The following WWOX variants were observed in gnomAD, a reference collection of about 807,000 sequenced individuals.
WWOX encodes the protein WW domain containing oxidoreductase.
WWOX carries 69 observed loss-of-function variants against 46.2 expected under a neutral mutation model. The ratio of observed to expected loss-of-function variants is 1.49; its 90% CI spans 1.23 to 1.82. The LOEUF is 1.82. WWOX is among the 40% of genes most tolerant of loss of function. WWOX has a pLI of 0.00. For synonymous variants in WWOX, 359 were observed against 202.6 expected (o/e 1.77, Z -6.56); for missense variants, 919 against 542.6 (o/e 1.69, Z -6.89).
intron 8 of WWOX, among the ~76,000 whole-genome samples, chr16:78,744,534 C>T (rs1054388584): frequency 1.4e-5 from 2 of 146,376 alleles, no homozygotes; most frequent in Non-Finnish European, 3.0e-5. Flanking sequence ...TGGGTTCAAG[C>T]AATTTTCTTG....
intron 8 of WWOX, among the ~76,000 whole-genome samples, chr16:79,006,559 T>C (rs559635545): frequency 1.4e-4 from 21 of 152,284 alleles, no homozygotes; most frequent in African/African-American, 5.1e-4. Flanking sequence ...AGGCACTGTA[T>C]TTGTTTTCAA....
At chr16:78,593,418 A>G (rs979237464) in intron 8 of WWOX, among the ~76,000 whole-genome samples, 4 of 151,870 alleles carry the variant, frequency 2.6e-5, no homozygotes, top group African/African-American at 9.7e-5. Flanking sequence ...GTACTATCCC[A>G]TTTTCCTTTG....
intron 5 of WWOX, among the ~76,000 whole-genome samples, chr16:78,335,018 C>T (rs1207378761): frequency 6.6e-6 from 1 of 151,982 alleles, no homozygotes; most frequent in African/African-American, 2.4e-5. Context: ...GCCCCTGGAC[C>T]TGCAGTGTCA....
intron 5 of WWOX, among the ~76,000 whole-genome samples, chr16:78,310,357 G>T (rs1310507184): frequency 6.6e-6 from 1 of 152,186 alleles, no homozygotes; most frequent in African/African-American, 2.4e-5. Context: ...CGCACACACA[G>T]CCTGCACTAT....
chr16:78,484,935 C>T (rs954530449), intron 8 of WWOX, among the ~76,000 whole-genome samples: 1 of 152,152 alleles, frequency 6.6e-6, no homozygotes, highest in Non-Finnish European at 1.5e-5. Context: ...TGTTTGTGTA[C>T]TACACAGCCT....
intron 7 of WWOX, among the ~76,000 whole-genome samples, chr16:78,426,852 C>T (rs567531771): frequency 1.6e-4 from 25 of 152,166 alleles, no homozygotes; most frequent in African/African-American, 3.6e-4. Context: ...TTAGTAGAGA[C>T]GGGGTTTCAC....
intron 8 of WWOX, among the ~76,000 whole-genome samples, chr16:78,779,187 C>G (rs2050265356): frequency 6.6e-6 from 1 of 152,186 alleles, no homozygotes; most frequent in Admixed American, 6.5e-5. Context: ...CTTTGTTTCC[C>G]AGGCTGGAGT....
chr16:78,145,544 G>A (rs1410151990), intron 4 of WWOX, among the ~76,000 whole-genome samples: 2 of 152,120 alleles, frequency 1.3e-5, no homozygotes, highest in Non-Finnish European at 2.9e-5. Flanking sequence ...TTGGCTCGCT[G>A]GCAGCTGATT....
chr16:79,142,832 G>A (rs2050115717), intron 8 of WWOX, among the ~76,000 whole-genome samples: 1 of 152,002 alleles, frequency 6.6e-6, no homozygotes, highest in Non-Finnish European at 1.5e-5. Flanking sequence ...CCAAGTAGCT[G>A]GGACTACAGG....
At chr16:78,823,187 T>C (rs1374928662) in intron 8 of WWOX, among the ~76,000 whole-genome samples, 3 of 152,238 alleles carry the variant, frequency 2.0e-5, no homozygotes, top group Admixed American at 2.0e-4. Context: ...TCAAATCTAA[T>C]GGTGGAAACG....
At chr16:78,605,930 C>G (rs898435408) in intron 8 of WWOX, among the ~76,000 whole-genome samples, 2 of 152,192 alleles carry the variant, frequency 1.3e-5, no homozygotes, top group Admixed American at 1.3e-4. Flanking sequence ...GAAGCTGAAA[C>G]ATGCGCATTT....
chr16:78,958,847 C>A (rs543733969), intron 8 of WWOX, among the ~76,000 whole-genome samples: 1 of 152,078 alleles, frequency 6.6e-6, no homozygotes, highest in Non-Finnish European at 1.5e-5. Context: ...TTTTAAAATT[C>A]TTCCTTTGAT....
chr16:78,156,037 G>A (rs1320539742), intron 4 of WWOX, among the ~76,000 whole-genome samples: 1 of 152,198 alleles, frequency 6.6e-6, no homozygotes, highest in East Asian at 1.9e-4. Context: ...AAATGGAGTT[G>A]TCTATTGCAG....
chr16:79,071,726 C>A (rs2048555098), intron 8 of WWOX, among the ~76,000 whole-genome samples: 1 of 152,180 alleles, frequency 6.6e-6, no homozygotes, highest in Admixed American at 6.5e-5. Context: ...TAAGTTGGTC[C>A]CTTGATTGCT....
intron 8 of WWOX, among the ~76,000 whole-genome samples, chr16:79,074,001 G>A (rs8057005): frequency 0.7 from 106,149 of 150,762 alleles, 37,409 homozygotes; most frequent in Admixed American, 0.79. Context: ...AAGGTCTGAG[G>A]AAAAAAAAAG....
At chr16:78,887,468 AACACACACACACACACACACACAC>A (rs78503110) in intron 8 of WWOX, among the ~76,000 whole-genome samples, 10 of 135,956 alleles carry the variant, frequency 7.4e-5, no homozygotes, top group South Asian at 2.5e-4. Flanking sequence ...AAGTATATAA[AACACACACACACACACACACACAC>A]ACACACACAC....
chr16:78,752,246 T>A (rs1446715925), intron 8 of WWOX, among the ~76,000 whole-genome samples: 1 of 152,254 alleles, frequency 6.6e-6, no homozygotes, highest in African/African-American at 2.4e-5. Flanking sequence ...ATATTTTGTC[T>A]GTCAGTGTTA....
intron 8 of WWOX, among the ~76,000 whole-genome samples, chr16:79,021,377 C>A (rs899692732): frequency 6.6e-6 from 1 of 152,112 alleles, no homozygotes; most frequent in Non-Finnish European, 1.5e-5. Context: ...GTGTCACGGA[C>A]CCCTTGGGCA....
intron 8 of WWOX, among the ~76,000 whole-genome samples, chr16:78,505,667 C>A (rs2085180442): frequency 6.6e-6 from 1 of 152,062 alleles, no homozygotes; most frequent in South Asian, 2.1e-4. Context: ...GTCTGGCTAG[C>A]AACACCCTCA....
Sources: gnomAD v4.1 joint callset for allele counts (sites outside exome capture counted in the v4.1 genomes callset) on GRCh38, gnomAD v4.1.1 for gene constraint, MANE v1.5 for transcripts, NCBI Gene and HGNC (gene_info 2026-07-23, HGNC 2026-07-21) for gene names.